Variants in EPN2 observed in about 807,000 individuals in gnomAD.
EPN2 encodes the protein epsin-2.
A neutral mutation model predicts 61.7 loss-of-function variants in EPN2; 34 were observed. The ratio of observed to expected loss-of-function variants is 0.55; its 90% CI spans 0.42 to 0.73. EPN2 has a LOEUF of 0.73. EPN2 is among the 30% of genes least tolerant of loss of function. The pLI, the probability that EPN2 is intolerant of heterozygous loss-of-function variation, is 0.00. For missense variants in EPN2, 714 were observed against 839.2 expected (o/e 0.85, Z 1.84); for synonymous variants, 349 against 353.6 (o/e 0.99, Z 0.15).
Position 19,332,017 on chromosome 17 carries a change from G to A in EPN2, c.1576G>A (p.Val526Met). ...NAALVNLDSLVTRPAPPAQSL... is the reference protein window; with the variant it reads ...NAALVNLDSLMTRPAPPAQSL... ...GGCCCTGGTGAACCTGGACTCACTGGTGACCAGGCCTGCCCCACCAGCCCA... is the reference window on the plus strand; with the variant it reads ...GGCCCTGGTGAACCTGGACTCACTGATGACCAGGCCTGCCCCACCAGCCCA... Residue 526 changes from valine to methionine, a missense_variant, in exon 10 of 11, where the codon GTG becomes ATG. Physicochemically the swap from Val to Met is conservative, Grantham distance 21. Coordinates refer to ENST00000314728, the MANE Select transcript of EPN2 (RefSeq NM_014964.5). 6.2e-7 allele frequency: 1 copy of A among 1,613,612 alleles called. No individual in the cohort carries two copies. Among genetic ancestry groups the A allele is most frequent in the Non-Finnish European group, 8.5e-7 (1 of 1,180,006 alleles).
At chr17:19,265,928 T>G (rs1202905794) in intron 1 of EPN2, among the ~76,000 whole-genome samples, 1 of 152,186 alleles carries the variant, frequency 6.6e-6, no homozygotes, top group African/African-American at 2.4e-5. Flanking sequence ...TGACATTTGG[T>G]CATCAGGGTT....
chr17:19,260,233 AG>A (rs2045126632), intron 1 of EPN2, among the ~76,000 whole-genome samples: 1 of 152,224 alleles, frequency 6.6e-6, no homozygotes, highest in African/African-American at 2.4e-5. Flanking sequence ...GGAGGGACAC[AG>A]GGCTGTGCTG....
At position 19,285,697 on chromosome 17, in the gene EPN2, C is replaced by G. The variant is rs1246219393; in HGVS notation, c.673C>G (p.Gln225Glu). The G allele has an allele frequency of 6.3e-7, 1 of 1,592,918 alleles. No individual in the cohort carries two copies. Among genetic ancestry groups the G allele is most frequent in the Non-Finnish European group, 8.5e-7 (1 of 1,170,978 alleles). The stretch of plus-strand genomic sequence containing the variant: ...GAGTGAGGAGCTGCAGCCACTGAGC[C>G]AGCGCCACCCCTTCCTGCCGCACCT... ...GQSEELQPLS[Q>E]RHPFLPHLGL... Residue 225 changes from glutamine (Q) to glutamate (E), a missense_variant, in exon 4 of 11, where the codon CAG becomes GAG. By Grantham distance (29) the Gln-to-Glu change is conservative. Coordinates refer to ENST00000314728, the MANE Select transcript of EPN2 (RefSeq NM_014964.5). This position sits in a 1 kb window ranked among gnomAD's most constrained non-coding sequence, Gnocchi z 4.5.
Position 19,335,785 on chromosome 17 carries a change from C to T in EPN2, c.*1531C>T, listed in dbSNP as rs1163804930. On this transcript the variant is annotated 3_prime_UTR_variant, in exon 11 of 11. Coordinates refer to ENST00000314728, the MANE Select transcript of EPN2 (RefSeq NM_014964.5). ...ACAAACATGCACTAATATTACCTCC[C>T]TCTTCCAAACTCCTACTGTCCTCAC... 56 of 235,404 alleles carry T rather than the reference C, an allele frequency of 2.4e-4. No individual in the cohort carries two copies. The highest frequency in any genetic ancestry group is 1.6e-5 in the Non-Finnish European group (2 of 121,770). The allele number at this position is 235,404 out of a possible 1,614,324, so 14.6% of individuals were successfully genotyped here.
intron 1 of EPN2, among the ~76,000 whole-genome samples, chr17:19,251,786 G>A (rs1396425678): frequency 6.6e-6 from 1 of 152,080 alleles, no homozygotes; most frequent in Non-Finnish European, 1.5e-5. Context: ...CATACAGGTT[G>A]AGTATCCCTT....
chr17:19,318,790 G>A (rs1472257292), intron 7 of EPN2, among the ~76,000 whole-genome samples: 1 of 151,984 alleles, frequency 6.6e-6, no homozygotes. Context: ...TGGAAGCCTG[G>A]CCCATGAGTC....
chr17:19,304,041 T>G (rs928497699), intron 4 of EPN2: 2 of 152,338 alleles, frequency 1.3e-5, no homozygotes, highest in Non-Finnish European at 2.9e-5. Context: ...AGGTGGAGGT[T>G]GAAGTGATCT....
At chr17:19,280,454 AAGT>A (rs1280493984) in intron 1 of EPN2, among the ~76,000 whole-genome samples, 1 of 152,154 alleles carries the variant, frequency 6.6e-6, no homozygotes, top group African/African-American at 2.4e-5. Flanking sequence ...CACCGTGCAA[AAGT>A]TTTTATCCCT....
At chr17:19,321,886 G>T (rs1022227042) in intron 7 of EPN2, among the ~76,000 whole-genome samples, 1 of 152,152 alleles carries the variant, frequency 6.6e-6, no homozygotes, top group Non-Finnish European at 1.5e-5. Context: ...CTTGCAGTCA[G>T]CTCTCTCCCT....
chr17:19,272,114 TGTGGG>T (rs1485498114), intron 1 of EPN2, among the ~76,000 whole-genome samples: 1 of 152,214 alleles, frequency 6.6e-6, no homozygotes, highest in Non-Finnish European at 1.5e-5. Flanking sequence ...CGGCCTGTCC[TGTGGG>T]GTGGGGGTGA....
At chr17:19,324,786 T>C (rs1448467048) in intron 7 of EPN2, among the ~76,000 whole-genome samples, 1 of 152,098 alleles carries the variant, frequency 6.6e-6, no homozygotes, top group African/African-American at 2.4e-5. Context: ...AGGATAAAGA[T>C]AGAAATTAAT....
intron 4 of EPN2, among the ~76,000 whole-genome samples, chr17:19,306,681 C>T (rs1244617824): frequency 6.6e-6 from 1 of 152,180 alleles, no homozygotes; most frequent in Non-Finnish European, 1.5e-5. Flanking sequence ...CAGTTCAGAG[C>T]CCCGTGCCCA....
At chr17:19,327,412 CTGTA>C (rs1450723161) in intron 7 of EPN2, among the ~76,000 whole-genome samples, 2 of 152,142 alleles carry the variant, frequency 1.3e-5, no homozygotes, top group Non-Finnish European at 2.9e-5. Flanking sequence ...TGGCTCACAC[CTGTA>C]TTCCTAGCAC....
At chr17:19,294,112 T>G (rs1181751392) in intron 4 of EPN2, among the ~76,000 whole-genome samples, 2 of 150,546 alleles carry the variant, frequency 1.3e-5, no homozygotes, top group African/African-American at 4.9e-5. Flanking sequence ...AAAGAAACAG[T>G]GCTATCAAAA....
At chr17:19,282,695 G>A (rs1186835859) in intron 2 of EPN2, 2 of 155,302 alleles carry the variant, frequency 1.3e-5, no homozygotes, top group Non-Finnish European at 2.8e-5. Flanking sequence ...CCATAAAATA[G>A]CCATTCCAGT....
chr17:19,314,814 C>T (rs528559205), intron 7 of EPN2, among the ~76,000 whole-genome samples: 4 of 152,246 alleles, frequency 2.6e-5, no homozygotes, highest in Non-Finnish European at 4.4e-5. Context: ...TGGTTTTACT[C>T]ACCACACATG....
In EPN2 at chr17:19,247,835, G is replaced by A. The variant is rs1430964305; in HGVS notation, c.-294+10304G>A. ...TGGCTAGATAGCAGTTCTAGAGATG[G>A]AGAATGAAGAGAAGCCAGAGTTGAG... is the stretch of plus-strand genomic sequence containing the variant. On this transcript the variant is annotated intron_variant, in intron 1 of 10. Coordinates refer to ENST00000314728, the MANE Select transcript of EPN2 (RefSeq NM_014964.5). Among the ~76,000 whole-genome samples, 4 of 152,322 alleles carry A rather than the reference G, an allele frequency of 2.6e-5. No homozygotes were observed. In the South Asian group the frequency reaches 8.3e-4, roughly 32 times the overall value.
chr17:19,260,020 T>G (rs546352763), intron 1 of EPN2, among the ~76,000 whole-genome samples: 7 of 152,278 alleles, frequency 4.6e-5, no homozygotes, highest in African/African-American at 1.7e-4. Context: ...ACTTCCACTG[T>G]AGGATTATGT....
At chr17:19,277,845 G>A (rs544567459) in intron 1 of EPN2, among the ~76,000 whole-genome samples, 13 of 152,250 alleles carry the variant, frequency 8.5e-5, no homozygotes, top group African/African-American at 3.1e-4. Flanking sequence ...GGCCAGGGTG[G>A]GCGGATCACG....
Sources: gnomAD v4.1 joint callset for allele counts (sites outside exome capture counted in the v4.1 genomes callset) on GRCh38, gnomAD v4.1.1 for gene constraint, Gnocchi (gnomAD v3.1) non-coding constraint, MANE v1.5 for transcripts, NCBI Gene and HGNC (gene_info 2026-07-23, HGNC 2026-07-21) for gene names.